ATP2B3: variants seen among roughly 807,000 people sequenced by gnomAD.
The protein encoded by ATP2B3 is plasma membrane calcium-transporting ATPase 3.
ATP2B3 carries 12 observed loss-of-function variants against 70.8 expected under a neutral mutation model. The ratio of observed to expected loss-of-function variants is 0.17; its 90% CI spans 0.11 to 0.27. The LOEUF (loss-of-function observed/expected upper bound fraction) is 0.27, where lower values mean the gene tolerates loss of function less well. ATP2B3 is among the 10% of genes least tolerant of loss of function. The pLI is 1.00. For missense variants in ATP2B3, 858 were observed against 1,118.5 expected, an observed-to-expected ratio of 0.77 and a Z score of 3.32; for synonymous variants, 460 against 497.8, an observed-to-expected ratio of 0.92 and a Z score of 1.01.
At position 153,536,111 on chromosome X, in the gene ATP2B3, C is replaced by T. The variant is rs2089847563; in HGVS notation, c.-126-11C>T. ...CACTCCCCTGGCTTCTTCTCGCCTC[C>T]ATCTCCCCAGGTGTCCACGCTTAGC... On this transcript the variant is annotated splice_polypyrimidine_tract_variant and intron_variant, in intron 2 of 21. Transcript: ENST00000263519. 1 of 656,267 alleles carries T rather than the reference C, an allele frequency of 1.5e-6. No homozygotes were observed. Among genetic ancestry groups the T allele is most frequent in the Admixed American group, 2.8e-5 (1 of 35,982 alleles). 54.1% of individuals were successfully genotyped at this position (656,267 alleles called of 1,213,427 possible).
Position 153,556,113 on chromosome X carries a change from A to G in ATP2B3, c.2123A>G (p.Asn708Ser). Residue 708 changes from asparagine (N) to serine (S), a missense_variant, in exon 14 of 22, where the codon AAC becomes AGC. Around this residue, in one of 5 missense-constraint regions of ATP2B3, gnomAD observed 242 missense variants for 281.3 expected, o/e 0.86. Coordinates refer to ENST00000263519, the MANE Select transcript of ATP2B3 (RefSeq NM_001001344.3). Reference sequence around the variant, plus strand: ...ACAGTCCGCATGGTGACTGGGGACAACATCAACACGGCCCGGGCCATCGCA... The same window carrying G: ...ACAGTCCGCATGGTGACTGGGGACAGCATCAACACGGCCCGGGCCATCGCA... ...GITVRMVTGD[N>S]INTARAIAAK... 1.6e-6 allele frequency: 2 copies of G among 1,212,588 alleles called. No homozygotes were observed. The highest frequency in any genetic ancestry group is 2.2e-6 in the Non-Finnish European group (2 of 895,667).
At chrX:153,558,377 G>T in intron 17 of ATP2B3, 74 bp downstream of exon 17, 1 of 1,001,590 alleles carries the variant, frequency 1.0e-6, no homozygotes, top group Non-Finnish European at 1.3e-6. Flanking sequence ...GTGAGAGTGA[G>T]GGTTTTGTTT....
intron 2 of ATP2B3, among the ~76,000 whole-genome samples, chrX:153,520,078 A>AGGG (rs2089935950): frequency 6.9e-5 from 1 of 14,424 alleles, no homozygotes. Context: ...AGATCCAGGG[A>AGGG]GGGTGGGGGT....
At chrX:153,546,854 A>G (rs1483433106) in intron 8 of ATP2B3, among the ~76,000 whole-genome samples, 2 of 112,906 alleles carry the variant, frequency 1.8e-5, no homozygotes, top group East Asian at 2.8e-4. Context: ...GTGGGGGGAC[A>G]GCCCGATGGC....
chrX:153,525,344 G>T (rs985740002), intron 2 of ATP2B3, among the ~76,000 whole-genome samples: 1 of 112,292 alleles, frequency 8.9e-6, no homozygotes, highest in Non-Finnish European at 1.9e-5. Context: ...CGGGCCAGGG[G>T]TGTGATGGTG....
intron 2 of ATP2B3, among the ~76,000 whole-genome samples, chrX:153,519,831 C>A (rs1346339206): frequency 9.1e-6 from 1 of 110,115 alleles, no homozygotes; most frequent in Non-Finnish European, 1.9e-5. Context: ...GTGGGGCGGG[C>A]GTGGGAGGGG....
At chrX:153,578,399 CT>C (rs1355345878) in intron 21 of ATP2B3, among the ~76,000 whole-genome samples, 5 of 113,059 alleles carry the variant, frequency 4.4e-5, no homozygotes, top group Middle Eastern at 4.6e-3. Flanking sequence ...GGTGGGCCAG[CT>C]ACCATTGGCG....
In ATP2B3 at chrX:153,541,678, A is replaced by T; in HGVS notation, c.416A>T (p.Asn139Ile). The T allele has an allele frequency of 8.3e-7, 1 of 1,210,726 alleles. No homozygotes were observed. The highest frequency in any genetic ancestry group is 1.1e-6 in the Non-Finnish European group (1 of 895,124). ...PPGEESEACG[N>I]VSGGAEDEGE... ...TCTGTCCTCCGCACAGCCTGTGGGAATGTGTCGGGAGGCGCAGAAGATGAG... is the reference window on the plus strand; with the variant it reads ...TCTGTCCTCCGCACAGCCTGTGGGATTGTGTCGGGAGGCGCAGAAGATGAG... The change falls in exon 5 of 22, where the codon AAT (asparagine) becomes ATT (isoleucine). Residue 139 changes from asparagine (N) to isoleucine (I), a missense_variant. Coordinates refer to ENST00000263519, the MANE Select transcript of ATP2B3 (RefSeq NM_001001344.3).
rs186246215 is a variant in ATP2B3 at position 153,574,363 on chromosome X, G to C, written c.3343-5615G>C. On this transcript the variant is annotated intron_variant, in intron 21 of 21. Transcript: ENST00000263519. ...TCAAAGCTCAGATGCCTGGGGAGCT[G>C]ACAGGTCCCTGCCTCCAAAGGAAGG... Among the ~76,000 whole-genome samples, 3 of 112,466 alleles carry C rather than the reference G, an allele frequency of 2.7e-5. No individual in the cohort carries two copies. In the East Asian group the frequency reaches 8.4e-4, roughly 32 times the overall value.
At chrX:153,560,590 C>A in intron 18 of ATP2B3, 86 bp from the exon 19 acceptor site, 1 of 1,032,163 alleles carries the variant, frequency 9.7e-7, no homozygotes, top group Non-Finnish European at 1.3e-6. Flanking sequence ...GGACCCATCT[C>A]GGGAGCTACA....
At chrX:153,522,400 ACG>A (rs2089970945) in intron 2 of ATP2B3, among the ~76,000 whole-genome samples, 1 of 112,363 alleles carries the variant, frequency 8.9e-6, no homozygotes, top group Admixed American at 9.3e-5. Context: ...GACTGAGGCC[ACG>A]AGGCCAGCCG....
chrX:153,573,487 G>A (rs2090817420), intron 21 of ATP2B3, among the ~76,000 whole-genome samples: 1 of 112,949 alleles, frequency 8.9e-6, no homozygotes, highest in Admixed American at 9.3e-5. Context: ...CTCCATGCTG[G>A]AAGCAGTAGC....
intron 3 of ATP2B3, among the ~76,000 whole-genome samples, chrX:153,538,540 G>A (rs191139878): frequency 4.4e-5 from 5 of 113,054 alleles, no homozygotes; most frequent in Admixed American, 9.2e-5. Flanking sequence ...ACCTGGCCCC[G>A]CCCAGTGCCC....
At chrX:153,554,208 T>A (rs1239902949) in intron 13 of ATP2B3, among the ~76,000 whole-genome samples, 5 of 112,544 alleles carry the variant, frequency 4.4e-5, no homozygotes, top group Non-Finnish European at 9.4e-5. Context: ...AGAAAATGGG[T>A]GGTAGCGGAG....
In ATP2B3 at chrX:153,560,585, C is replaced by T. The variant is rs1247643161; in HGVS notation, c.2840-91C>T. The T allele has an allele frequency of 8.1e-6, 8 of 992,091 alleles. No homozygotes were observed. In the African/African-American group the frequency reaches 1.3e-4, roughly 16 times the overall value. The allele number at this position is 992,091 out of a possible 1,213,427, so 81.8% of individuals were successfully genotyped here. ...TGGCCATCCCCTGGGACAAGGGACC[C>T]ATCTCGGGAGCTACACACCGAAGTC... On this transcript the variant is annotated intron_variant, in intron 18 of 21. Coordinates refer to ENST00000263519, the MANE Select transcript of ATP2B3 (RefSeq NM_001001344.3).
At chrX:153,519,361 C>T (rs2089922280) in intron 2 of ATP2B3, among the ~76,000 whole-genome samples, 2 of 111,786 alleles carry the variant, frequency 1.8e-5, no homozygotes, top group African/African-American at 3.3e-5. Context: ...GGCAGGGAGG[C>T]GGGGAGAGGT....
At position 153,549,839 on chromosome X, in the gene ATP2B3, C is replaced by A. The variant is rs782004971; in HGVS notation, c.1581+100C>A. 3.6e-4 allele frequency: 389 copies of A among 1,080,410 alleles called. 3 individuals are homozygous for A. In the South Asian group the frequency reaches 7.0e-3, roughly 20 times the overall value. The allele number at this position is 1,080,410 out of a possible 1,213,427, so 89.0% of individuals were successfully genotyped here. A position where few individuals can be genotyped will look rare whatever the true frequency, so the allele number is the denominator to read the frequency against. On this transcript the variant is annotated intron_variant, in intron 11 of 21. Coordinates refer to ENST00000263519, the MANE Select transcript of ATP2B3 (RefSeq NM_001001344.3). ...AGCTGTTGCAAGGTGCTCATTAGGCCCCCCCTTGAGAACTTTTGCCCATCC... is the reference window on the plus strand; with the variant it reads ...AGCTGTTGCAAGGTGCTCATTAGGCACCCCCTTGAGAACTTTTGCCCATCC...
At chrX:153,547,103 C>T (rs977970617) in intron 8 of ATP2B3, among the ~76,000 whole-genome samples, 7 of 111,550 alleles carry the variant, frequency 6.3e-5, no homozygotes, top group Non-Finnish European at 1.1e-4. Context: ...CAGGTCGCTG[C>T]GTCGGTCCCG....
chrX:153,571,178 GT>G (rs1448322561), intron 21 of ATP2B3, among the ~76,000 whole-genome samples: 2 of 112,355 alleles, frequency 1.8e-5, no homozygotes, highest in Non-Finnish European at 3.8e-5. Flanking sequence ...TGCCCTAGAC[GT>G]GGGCCCAAAG....
Sources: allele counts gnomAD v4.1 joint callset (sites outside exome capture counted in the v4.1 genomes callset), GRCh38; gene constraint gnomAD v4.1.1; regional missense constraint gnomAD v4.1.1; transcripts MANE v1.5; gene names NCBI Gene and HGNC (gene_info 2026-07-23, HGNC 2026-07-21).